The following FER1L5 variants were observed in gnomAD, a reference collection of about 807,000 sequenced individuals.
FER1L5 encodes fer-1 like family member 5.
FER1L5 carries 187 observed loss-of-function variants against 279.9 expected under a neutral mutation model. The observed-to-expected ratio is 0.67, with a 90% CI of 0.59 to 0.75. The LOEUF (loss-of-function observed/expected upper bound fraction) is 0.75. Ranked by LOEUF, FER1L5 falls within the 30% of genes least tolerant of loss-of-function variation. The probability of loss-of-function intolerance (pLI) is 0.00; values close to 1 mark genes in which losing one functional copy is unlikely to be tolerated. For missense variants in FER1L5, 2,091 were observed against 2,594.4 expected (o/e 0.81, Z 4.21); for synonymous variants, 921 against 989.7 (o/e 0.93, Z 1.30).
chr2:96,644,330 A>C (rs1271439009), intron 1 of FER1L5, among the ~76,000 whole-genome samples: 1 of 151,842 alleles, frequency 6.6e-6, no homozygotes, highest in Non-Finnish European at 1.5e-5. Flanking sequence ...TACAAAAAAA[A>C]AAAATTAGCT....
In FER1L5 at chr2:96,661,868, C is replaced by G. The variant is rs916069742; in HGVS notation, c.1018+77C>G. On this transcript the variant is annotated intron_variant, in intron 12 of 52. Coordinates refer to ENST00000624922, the MANE Select transcript of FER1L5 (RefSeq NM_001293083.2). Reference sequence around the variant, plus strand: ...GATACCCTGGATCCTCATGGAGTTTCCTCATTCCTTTTGGCACTAAACTAC... The same window carrying G: ...GATACCCTGGATCCTCATGGAGTTTGCTCATTCCTTTTGGCACTAAACTAC... 6.5e-6 allele frequency: 10 copies of G among 1,528,474 alleles called. No homozygotes were observed. The Admixed American group carries it at 2.0e-4, about 31-fold the overall frequency. 94.7% of individuals were successfully genotyped at this position (1,528,474 alleles called of 1,614,324 possible).
At chr2:96,685,669 A>G (rs2076894266) in intron 21 of FER1L5, among the ~76,000 whole-genome samples, 1 of 152,174 alleles carries the variant, frequency 6.6e-6, no homozygotes, top group South Asian at 2.1e-4. Context: ...CTCTTAAGCC[A>G]GCCTGTCCTC....
chr2:96,691,444 G>C lies in FER1L5; in HGVS notation c.2908-1G>C. 1 of 1,537,976 alleles carries C rather than the reference G, an allele frequency of 6.5e-7. No individual in the cohort carries two copies. Among genetic ancestry groups the C allele is most frequent in the Non-Finnish European group, 8.8e-7 (1 of 1,139,684 alleles). On this transcript the variant is annotated splice_acceptor_variant, in intron 28 of 52. Coordinates refer to ENST00000624922, the MANE Select transcript of FER1L5 (RefSeq NM_001293083.2). LOFTEE classifies it high-confidence loss of function. The surrounding 1 kb of genome is among the most constrained non-coding windows in gnomAD (Gnocchi z 6.0). ...CAACCCTGCTCTCCTCCCCACCACA[G>C]GGCCTGGCCAAGGGCGAGGAGGAGG... is the stretch of plus-strand genomic sequence containing the variant.
rs1356881714 is a variant in FER1L5 at position 96,703,625 on chromosome 2, C to T, written c.5794C>T (p.Pro1932Ser). The part of the protein sequence containing the change: ...SEPNQYPTLH[P>S]PLRTNTSFTW... ...ACCCAACCAGTACCCCACACTTCAT[C>T]CTCCCCTGTAAGGGTCCTTGGGGCA... Residue 1932 changes from proline to serine, a missense_variant, in exon 51 of 53, where the codon CCT becomes TCT. Coordinates refer to ENST00000624922, the MANE Select transcript of FER1L5 (RefSeq NM_001293083.2). 4 of 1,613,750 alleles carry T rather than the reference C, an allele frequency of 2.5e-6. No homozygotes were observed. The highest frequency in any genetic ancestry group is 1.7e-5 in the Admixed American group (1 of 59,998).
chr2:96,654,390 G>A (rs1020427823), intron 8 of FER1L5, 56 bp from the exon 9 acceptor site: 1 of 398,592 alleles, frequency 2.5e-6, no homozygotes, highest in African/African-American at 2.1e-5. Flanking sequence ...TCTTACAGGG[G>A]CTGAGGGAAA....
rs776035572 is a variant in FER1L5 at position 96,668,892 on chromosome 2, G to T, written c.1191G>T (p.Lys397Asn). The change falls in exon 16 of 53, where the codon AAG becomes AAT. Residue 397 changes from lysine to asparagine, a missense_variant. Coordinates refer to ENST00000624922, the MANE Select transcript of FER1L5 (RefSeq NM_001293083.2). ...GGAGTGTGTTTCTCTCTAGCCGCAA[G>T]AAGGACTGCCCGGATGAGATTGGGA... The part of the protein sequence containing the change: ...YIKFRVLDCR[K>N]KDCPDEIGTA... 1.9e-6 allele frequency: 3 copies of T among 1,551,668 alleles called. No individual in the cohort carries two copies. Among genetic ancestry groups the T allele is most frequent in the Non-Finnish European group, 2.6e-6 (3 of 1,146,992 alleles).
At chr2:96,703,809 C>CTTTT (rs35497973) in intron 51 of FER1L5, among the ~76,000 whole-genome samples, 177 bp downstream of exon 51, 8 of 89,474 alleles carry the variant, frequency 8.9e-5, no homozygotes, top group Non-Finnish European at 1.5e-4. Flanking sequence ...CAAAAGTTGC[C>CTTTT]TTTTTTTTTT....
At position 96,670,156 on chromosome 2, in the gene FER1L5, G is replaced by C. The variant is rs753822238; in HGVS notation, c.1400G>C (p.Arg467Pro). Reference sequence around the variant, plus strand: ...TCTGTTAGGGATGGTTTAGCTTATCGAGGCCGAGTCTTCCTGGAGTTAATC... The same window carrying C: ...TCTGTTAGGGATGGTTTAGCTTATCCAGGCCGAGTCTTCCTGGAGTTAATC... ...PDSVRDGLAY[R>P]GRVFLELITQ... Residue 467 changes from arginine (R) to proline (P), a missense_variant, in exon 18 of 53, where the codon CGA (arginine) becomes CCA (proline). Physicochemically the swap from Arg to Pro is moderately radical, Grantham distance 103. Coordinates refer to ENST00000624922, the MANE Select transcript of FER1L5 (RefSeq NM_001293083.2). The C allele has an allele frequency of 3.9e-6, 6 of 1,551,456 alleles. No homozygotes were observed. Among genetic ancestry groups the C allele is most frequent in the African/African-American group, 1.4e-5 (1 of 73,002 alleles).
intron 45 of FER1L5, 145 bp downstream of exon 45, chr2:96,700,616 G>A: frequency 1.8e-6 from 2 of 1,100,194 alleles, no homozygotes; most frequent in East Asian, 2.5e-5. Context: ...AGACAAGCAT[G>A]CTGTGCACAT....
rs750341048 is a variant in FER1L5 at position 96,671,106 on chromosome 2, C to CAAAAAAAAAAAAAAAAAAAAA, written c.1491+861_1491+881dup. 5.2e-4 allele frequency among the ~76,000 whole-genome samples: 21 copies of CAAAAAAAAAAAAAAAAAAAAA among 40,204 alleles called. 3 individuals are homozygous for CAAAAAAAAAAAAAAAAAAAAA. Among genetic ancestry groups the CAAAAAAAAAAAAAAAAAAAAA allele is most frequent in the Non-Finnish European group, 5.9e-4 (15 of 25,348 alleles). 26.4% of individuals were successfully genotyped at this position (40,204 alleles called of 152,430 possible). ...TGGGTGACAGAGTGAGACTCCATCT[C>CAAAAAAAAAAAAAAAAAAAAA]AAAAAAAAAAAAAAAAAAAAAAGGA... On this transcript the variant is annotated intron_variant, in intron 18 of 52. Transcript: ENST00000624922.
At chr2:96,663,007 A>G (rs2076007195) in intron 13 of FER1L5, among the ~76,000 whole-genome samples, 1 of 152,206 alleles carries the variant, frequency 6.6e-6, no homozygotes, top group African/African-American at 2.4e-5. Context: ...GCCAAGTAAC[A>G]CTTGATTCCA....
intron 19 of FER1L5, among the ~76,000 whole-genome samples, chr2:96,675,408 C>T (rs1023107775): frequency 3.9e-5 from 6 of 151,990 alleles, no homozygotes; most frequent in Non-Finnish European, 7.4e-5. Flanking sequence ...TATTGCCCAG[C>T]CTTTTTTAAA....
intron 19 of FER1L5, among the ~76,000 whole-genome samples, chr2:96,681,305 C>A (rs901033457): frequency 2.6e-5 from 4 of 152,268 alleles, no homozygotes; most frequent in African/African-American, 7.2e-5. Flanking sequence ...CGTGATCATG[C>A]CACTGCATTG....
rs1014188473 is a variant in FER1L5 at position 96,697,741 on chromosome 2, A to G, written c.4216A>G (p.Lys1406Glu). 7 of 1,613,948 alleles carry G rather than the reference A, an allele frequency of 4.3e-6. No individual in the cohort carries two copies. In the African/African-American group the frequency reaches 9.3e-5, roughly 22 times the overall value. ...DEHKSLKYKY[K>E]DYHTLKVYEC... The stretch of plus-strand genomic sequence containing the variant: ...GCACAAGTCCCTGAAGTACAAGTAC[A>G]AAGACTACCACACCCTCAAGGTTTG... The change falls in exon 39 of 53, where the codon AAA becomes GAA. Residue 1406 changes from lysine to glutamate, a missense_variant. Transcript: ENST00000624922.
chr2:96,647,930 TGA>T, intron 4 of FER1L5, 44 bp downstream of exon 4: 1 of 1,466,258 alleles, frequency 6.8e-7, no homozygotes, highest in Non-Finnish European at 9.4e-7. Flanking sequence ...GCTGGAGGAA[TGA>T]GGGGAGCTGG....
chr2:96,660,014 C>T (rs764735626), intron 9 of FER1L5, among the ~76,000 whole-genome samples: 22 of 152,160 alleles, frequency 1.4e-4, no homozygotes, highest in African/African-American at 2.2e-4. Flanking sequence ...TCCCCAGGAC[C>T]GGTGAGCCCT....
Position 96,647,823 on chromosome 2 carries a change from A to T in FER1L5, c.276A>T (p.Gln92His). Residue 92 changes from glutamine (Q) to histidine (H), a missense_variant, in exon 4 of 53, where the codon CAA (glutamine) becomes CAT (histidine). Physicochemically the swap from Gln to His is conservative, Grantham distance 24. Transcript: ENST00000624922. ...ATVLLKPLLK[Q>H]PSEVLFVKDL... ...TACTGCTCAAGCCATTGTTGAAACA[A>T]CCAAGTGAGGTCCTTTTTGTGAAGG... The T allele has an allele frequency of 6.4e-7, 1 of 1,551,804 alleles. No homozygotes were observed. Among genetic ancestry groups the T allele is most frequent in the Non-Finnish European group, 8.7e-7 (1 of 1,147,018 alleles).
chr2:96,681,532 TA>T (rs1050416913), intron 19 of FER1L5, among the ~76,000 whole-genome samples: 3 of 152,066 alleles, frequency 2.0e-5, no homozygotes, highest in African/African-American at 4.8e-5. Flanking sequence ...GTGTTCTCTT[TA>T]AAAAATAATA....
intron 31 of FER1L5, 111 bp from the exon 32 acceptor site, chr2:96,693,395 C>T (rs982844368): frequency 9.2e-5 from 106 of 1,148,148 alleles, no homozygotes; most frequent in Non-Finnish European, 1.1e-4. Context: ...TCAGTGGCTG[C>T]CCTGCCTGAC....
Sources: gnomAD v4.1 joint callset for allele counts (sites outside exome capture counted in the v4.1 genomes callset) on GRCh38, gnomAD v4.1.1 for gene constraint, Gnocchi (gnomAD v3.1) non-coding constraint, MANE v1.5 for transcripts, NCBI Gene and HGNC (gene_info 2026-07-23, HGNC 2026-07-21) for gene names.